Variants in CFAP20DC observed in about 807,000 individuals in gnomAD.
CFAP20DC encodes the protein protein CFAP20DC.
CFAP20DC carries 84 observed loss-of-function variants against 101.7 expected under a neutral mutation model. That is an observed-to-expected ratio of 0.83 (90% CI 0.69 to 0.99). CFAP20DC has a LOEUF of 0.99. Among genes scored for constraint, CFAP20DC ranks in the 50% least tolerant of loss-of-function variants. CFAP20DC has a pLI of 0.00. For synonymous variants in CFAP20DC, 359 were observed against 351.2 expected (o/e 1.02, Z -0.25); for missense variants, 1,007 against 970.3 (o/e 1.04, Z -0.50).
rs182937343 is a variant in CFAP20DC, at chr3:58,722,660, G to A, written c.198-5032C>T. On this transcript the variant is annotated intron_variant, in intron 3 of 3. Transcript: ENST00000486145. The surrounding 1 kb of genome is among the most constrained non-coding windows in gnomAD (Gnocchi z 4.5). ...CACAGTTCTCGTTTGCCTTTTCCCA[G>A]ATGTGAAAGTTACACACTGACTGTG... is the stretch of plus-strand genomic sequence containing the variant. Among the ~76,000 whole-genome samples, 123 of 152,300 alleles carry A rather than the reference G, an allele frequency of 8.1e-4. No homozygotes were observed. The highest frequency in any genetic ancestry group is 3.4e-3 in the Middle Eastern group (1 of 294).
chr3:58,945,603 A>G (rs1017764734), intron 4 of CFAP20DC, among the ~76,000 whole-genome samples: 8 of 152,114 alleles, frequency 5.3e-5, no homozygotes, highest in African/African-American at 1.7e-4. Context: ...CTCAGTTATT[A>G]GCGAGGACTC....
At chr3:58,984,610 G>C (rs2092691266) in intron 4 of CFAP20DC, among the ~76,000 whole-genome samples, 1 of 152,126 alleles carries the variant, frequency 6.6e-6, no homozygotes, top group Non-Finnish European at 1.5e-5. Context: ...AAAGACTCTT[G>C]AATTGCTCAT....
At position 58,808,856 on chromosome 3, in the gene CFAP20DC, G is replaced by A. The variant is rs867078108; in HGVS notation, c.2176-2400C>T. Among the ~76,000 whole-genome samples, 8 of 152,066 alleles carry A rather than the reference G, an allele frequency of 5.3e-5. No homozygotes were observed. The South Asian group carries it at 1.0e-3, about 20-fold the overall frequency. Reference sequence around the variant, plus strand: ...AGAGACACACATAGGCTCAAAATAAGAGGATGGAGGAAGATCTACCAAGCA... The same window carrying A: ...AGAGACACACATAGGCTCAAAATAAAAGGATGGAGGAAGATCTACCAAGCA... On this transcript the variant is annotated intron_variant, in intron 14 of 16. Coordinates refer to ENST00000482387, the MANE Select transcript of CFAP20DC (RefSeq NM_001394063.1).
rs114554218 is a variant in CFAP20DC at position 58,795,244 on chromosome 3, G to C, written c.2237+11151C>G. ...CTTTGGTAATTACCTTCTTTAACTG[G>C]ATTGTGGGCCAAAGGTAATCTGAGT... On this transcript the variant is annotated intron_variant, in intron 15 of 16. Transcript: ENST00000482387. The surrounding 1 kb of genome is among the most constrained non-coding windows in gnomAD (Gnocchi z 4.2). Among the ~76,000 whole-genome samples, 315 of 152,254 alleles carry C rather than the reference G, an allele frequency of 2.1e-3. 2 individuals are homozygous for C. The highest frequency in any genetic ancestry group is 7.4e-3 in the African/African-American group (307 of 41,548).
chr3:58,927,691 T>C (rs1379804347), intron 5 of CFAP20DC, among the ~76,000 whole-genome samples: 1 of 152,180 alleles, frequency 6.6e-6, no homozygotes, highest in Non-Finnish European at 1.5e-5. Flanking sequence ...TACTAGTTCC[T>C]AAGGGGTAGA....
chr3:58,846,017 A>C (rs1227822944), intron 13 of CFAP20DC, among the ~76,000 whole-genome samples: 2 of 150,936 alleles, frequency 1.3e-5, no homozygotes, highest in African/African-American at 2.4e-5. Context: ...CGTATTTCAA[A>C]ATAATAAGAG....
At chr3:58,967,740 A>ATG (rs1236244325) in intron 4 of CFAP20DC, among the ~76,000 whole-genome samples, 33 of 152,268 alleles carry the variant, frequency 2.2e-4, no homozygotes, top group African/African-American at 7.9e-4. Context: ...TTAGGGGTAC[A>ATG]TGTGAAGGTT....
chr3:58,859,633 T>A lies in CFAP20DC; in HGVS notation c.1593+3925A>T, dbSNP rs2079088205. 6.6e-6 allele frequency among the ~76,000 whole-genome samples: 1 copy of A among 152,188 alleles called. No homozygotes were observed. The highest frequency in any genetic ancestry group is 1.5e-5 in the Non-Finnish European group (1 of 68,036). Reference sequence around the variant, plus strand: ...TAAAGACATGTAGATGTGAACAGCCTAAAAAGATTACTCATACTGAGTAAA... The same window carrying A: ...TAAAGACATGTAGATGTGAACAGCCAAAAAAGATTACTCATACTGAGTAAA... On this transcript the variant is annotated intron_variant, in intron 12 of 16. Coordinates refer to ENST00000482387, the MANE Select transcript of CFAP20DC (RefSeq NM_001394063.1). This position sits in a 1 kb window ranked among gnomAD's most constrained non-coding sequence, Gnocchi z 4.1.
chr3:58,985,380 A>G (rs1266135398), intron 4 of CFAP20DC, among the ~76,000 whole-genome samples: 1 of 152,180 alleles, frequency 6.6e-6, no homozygotes, highest in Non-Finnish European at 1.5e-5. Context: ...GATTGACTGC[A>G]ACAACCTCCT....
At chr3:58,786,368 G>A (rs887939865) in intron 15 of CFAP20DC, among the ~76,000 whole-genome samples, 1 of 152,142 alleles carries the variant, frequency 6.6e-6, no homozygotes, top group African/African-American at 2.4e-5. Context: ...GAGGCAGACA[G>A]TAAATACAGT....
rs536613645 is a variant in CFAP20DC at position 58,816,386 on chromosome 3, T to C, written c.2176-9930A>G. On this transcript the variant is annotated intron_variant, in intron 14 of 16. Transcript: ENST00000482387. ...GCATTTCCATCTGAGGTACCGGGTT[T>C]ATCTCACTAGGGAGTGCCAGACAGT... Among the ~76,000 whole-genome samples the C allele has an allele frequency of 1.3e-4, 20 of 152,208 alleles. 1 individual carries two copies. The East Asian group carries it at 1.5e-3, about 12-fold the overall frequency.
At chr3:58,870,368 A>G (rs1336108404) in intron 7 of CFAP20DC, 59 bp from the exon 8 acceptor site, 1 of 1,540,206 alleles carries the variant, frequency 6.5e-7, no homozygotes, top group Non-Finnish European at 8.9e-7. Context: ...CAAACATCAC[A>G]CTGCAATCTT....
intron 3 of CFAP20DC, among the ~76,000 whole-genome samples, chr3:59,040,811 A>C (rs1045393583): frequency 5.9e-5 from 9 of 152,026 alleles, no homozygotes; most frequent in Non-Finnish European, 1.3e-4. Flanking sequence ...AACATATTTG[A>C]TCAAATATGC....
At chr3:58,841,797 G>A (rs1289735509) in intron 13 of CFAP20DC, among the ~76,000 whole-genome samples, 1 of 152,034 alleles carries the variant, frequency 6.6e-6, no homozygotes, top group Admixed American at 6.5e-5. Flanking sequence ...AGCATGCTTT[G>A]TCTTTCTTAT....
At chr3:58,888,025 C>T (rs1381724106) in intron 6 of CFAP20DC, among the ~76,000 whole-genome samples, 4 of 152,182 alleles carry the variant, frequency 2.6e-5, no homozygotes, top group Admixed American at 6.5e-5. Flanking sequence ...GCTGGATGTT[C>T]TCTAGCACTA....
At chr3:58,898,337 G>C (rs534510681) in intron 6 of CFAP20DC, among the ~76,000 whole-genome samples, 6 of 152,120 alleles carry the variant, frequency 3.9e-5, no homozygotes, top group African/African-American at 1.4e-4. Flanking sequence ...AGCATGCCCG[G>C]CTAATTTTTG....
At chr3:58,831,617 T>A in intron 14 of CFAP20DC, 69 bp downstream of exon 14, 1 of 1,377,710 alleles carries the variant, frequency 7.3e-7, no homozygotes, top group African/African-American at 1.4e-5. Flanking sequence ...CAGGCAAAGC[T>A]GGGATTTGTT....
intron 4 of CFAP20DC, among the ~76,000 whole-genome samples, chr3:59,016,544 T>A (rs2093693590): frequency 6.6e-6 from 1 of 152,134 alleles, no homozygotes; most frequent in Non-Finnish European, 1.5e-5. Context: ...GAATGTTTAT[T>A]ATACAAAGAA....
Position 58,870,191 on chromosome 3 carries a change from G to A in CFAP20DC, c.834C>T (p.Asn278=). 1 of 1,612,606 alleles carries A rather than the reference G, an allele frequency of 6.2e-7. No individual in the cohort carries two copies. The highest frequency in any genetic ancestry group is 1.1e-5 in the South Asian group (1 of 91,048). The stretch of plus-strand genomic sequence containing the variant: ...CTCCTACCTCGCTGGATATCTTCAT[G>A]TTATTCCTTCTGCCAGAGAGTGGAG... The part of the protein sequence containing the change: ...GPPPLSGRRN[N]MKISSETVRS... The change falls in exon 8 of 17, where the codon AAC becomes AAT. Residue 278 remains asparagine, a synonymous_variant. Coordinates refer to ENST00000482387, the MANE Select transcript of CFAP20DC (RefSeq NM_001394063.1).
Sources: allele counts gnomAD v4.1 joint callset (sites outside exome capture counted in the v4.1 genomes callset), GRCh38; gene constraint gnomAD v4.1.1; non-coding constraint Gnocchi (gnomAD v3.1); transcripts MANE v1.5; gene names NCBI Gene and HGNC (gene_info 2026-07-23, HGNC 2026-07-21).